Variants in PARD3 observed in about 807,000 individuals in gnomAD.
PARD3 encodes the protein partitioning defective 3 homolog.
Under a neutral mutation model 155.4 loss-of-function variants are expected in PARD3, and 75 were observed. The observed-to-expected ratio is 0.48, with a 90% CI of 0.40 to 0.58. PARD3 has a LOEUF of 0.58. Ranked by LOEUF, PARD3 falls within the 20% of genes least tolerant of loss-of-function variation. The probability of loss-of-function intolerance (pLI) is 0.00; values close to 1 mark genes in which losing one functional copy is unlikely to be tolerated. For missense variants in PARD3, 1,642 were observed against 1,721.7 expected, an observed-to-expected ratio of 0.95 and a Z score of 0.82; for synonymous variants, 576 against 610.5, an observed-to-expected ratio of 0.94 and a Z score of 0.83.
chr10:34,355,958 C>CAAAAAAAAAAAAAAAAAAAAA (rs1491326864), intron 14 of PARD3, among the ~76,000 whole-genome samples: 1 of 116,198 alleles, frequency 8.6e-6, no homozygotes, highest in Non-Finnish European at 1.6e-5. Context: ...AAAACAAAAC[C>CAAAAAAAAAAAAAAAAAAAAA]AAACAAAAAA....
intron 4 of PARD3, among the ~76,000 whole-genome samples, chr10:34,469,360 T>G (rs2078207173): frequency 6.6e-6 from 1 of 152,192 alleles, no homozygotes; most frequent in African/African-American, 2.4e-5. Flanking sequence ...CCACCTGCCT[T>G]GGACTCCCAA....
At chr10:34,590,530 G>A (rs971583464) in intron 2 of PARD3, among the ~76,000 whole-genome samples, 1 of 152,136 alleles carries the variant, frequency 6.6e-6, no homozygotes, top group Non-Finnish European at 1.5e-5. Context: ...TTAAAACTGG[G>A]AGTGGGCAGA....
intron 2 of PARD3, among the ~76,000 whole-genome samples, chr10:34,612,052 C>A (rs1052878269): frequency 1.3e-5 from 2 of 151,310 alleles, no homozygotes; most frequent in Non-Finnish European, 2.9e-5. Flanking sequence ...GGTCTCGATC[C>A]CCTCACCTCG....
intron 3 of PARD3, among the ~76,000 whole-genome samples, chr10:34,513,555 A>G (rs1296102019): frequency 6.6e-6 from 1 of 152,212 alleles, no homozygotes; most frequent in Non-Finnish European, 1.5e-5. Context: ...TGCTGGGATT[A>G]CAGGTGTGAG....
intron 14 of PARD3, among the ~76,000 whole-genome samples, chr10:34,354,266 T>C (rs1003039065): frequency 4.6e-5 from 7 of 151,762 alleles, no homozygotes; most frequent in Non-Finnish European, 1.0e-4. Flanking sequence ...TAGTCCCAGC[T>C]ACTTGGGAGG....
chr10:34,433,955 C>A (rs1310055759), intron 5 of PARD3, among the ~76,000 whole-genome samples: 1 of 152,122 alleles, frequency 6.6e-6, no homozygotes, highest in Non-Finnish European at 1.5e-5. Context: ...ATGGGTCCTG[C>A]CCTCTTTAAA....
At chr10:34,549,463 C>T (rs922565516) in intron 2 of PARD3, among the ~76,000 whole-genome samples, 8 of 152,162 alleles carry the variant, frequency 5.3e-5, no homozygotes, top group Non-Finnish European at 1.0e-4. Flanking sequence ...TTCACCAACA[C>T]AAGGTAAGAA....
chr10:34,153,751 G>A (rs1948878480), intron 22 of PARD3, among the ~76,000 whole-genome samples: 1 of 152,144 alleles, frequency 6.6e-6, no homozygotes, highest in Non-Finnish European at 1.5e-5. Context: ...AAACACCAAA[G>A]TGAACCTCTT....
At chr10:34,117,882 GC>G (rs1375434585) in intron 24 of PARD3, among the ~76,000 whole-genome samples, 1 of 152,182 alleles carries the variant, frequency 6.6e-6, no homozygotes, top group East Asian at 1.9e-4. Context: ...CTGCACTCCA[GC>G]CGGGGCAACA....
chr10:34,173,144 T>G (rs1274703374), intron 22 of PARD3, among the ~76,000 whole-genome samples: 2 of 152,202 alleles, frequency 1.3e-5, no homozygotes, highest in East Asian at 3.8e-4. Flanking sequence ...TTTTCACAAC[T>G]ACATCTGAAT....
chr10:34,730,894 C>A (rs2094805022), intron 1 of PARD3, among the ~76,000 whole-genome samples: 1 of 152,190 alleles, frequency 6.6e-6, no homozygotes, highest in East Asian at 1.9e-4. Flanking sequence ...CGCATACACA[C>A]AAGGAAAGAA....
chr10:34,691,286 C>T lies in PARD3; in HGVS notation c.222+5032G>A, dbSNP rs544261990. Among the ~76,000 whole-genome samples the T allele has an allele frequency of 2.6e-5, 4 of 152,252 alleles. No homozygotes were observed. In the South Asian group the frequency reaches 8.3e-4, roughly 32 times the overall value. On this transcript the variant is annotated intron_variant, in intron 2 of 24. Coordinates refer to ENST00000374788, the MANE Select transcript of PARD3 (RefSeq NM_001184785.2). The stretch of plus-strand genomic sequence containing the variant: ...CAATGTATAAAAATCAGTAGCATTC[C>T]TACACACCAACAACATCCAAACTAA...
chr10:34,622,060 C>G (rs1426543856), intron 2 of PARD3, among the ~76,000 whole-genome samples: 1 of 152,116 alleles, frequency 6.6e-6, no homozygotes, highest in South Asian at 2.1e-4. Flanking sequence ...ATTCCTATAC[C>G]TGCCATCGAT....
intron 1 of PARD3, among the ~76,000 whole-genome samples, chr10:34,777,687 C>G (rs1246199745): frequency 6.6e-6 from 1 of 151,066 alleles, no homozygotes; most frequent in African/African-American, 2.5e-5. Flanking sequence ...TGCACTACAA[C>G]AGTCAGCTAA....
At chr10:34,590,044 GA>G (rs1369228394) in intron 2 of PARD3, among the ~76,000 whole-genome samples, 3 of 152,108 alleles carry the variant, frequency 2.0e-5, no homozygotes, top group Non-Finnish European at 4.4e-5. Flanking sequence ...TTATTTCCAT[GA>G]AATGCCAATT....
intron 1 of PARD3, among the ~76,000 whole-genome samples, chr10:34,767,479 G>T (rs1010031349): frequency 6.6e-6 from 1 of 152,062 alleles, no homozygotes; most frequent in African/African-American, 2.4e-5. Context: ...GCAGCCTGAC[G>T]GACTCCGTGA....
intron 12 of PARD3, among the ~76,000 whole-genome samples, chr10:34,369,312 A>ATTTG (rs112701771): frequency 9.7e-5 from 5 of 51,482 alleles, no homozygotes; most frequent in East Asian, 7.4e-4. Flanking sequence ...TTATTTATTT[A>ATTTG]TTTGTTTATT....
intron 2 of PARD3, among the ~76,000 whole-genome samples, chr10:34,634,444 A>C (rs190188980): frequency 1.4e-4 from 21 of 152,314 alleles, no homozygotes; most frequent in Admixed American, 6.5e-4. Context: ...TGTGGTATTC[A>C]GGACATTTTT....
chr10:34,619,249 C>T (rs1001368928), intron 2 of PARD3, among the ~76,000 whole-genome samples: 1 of 151,966 alleles, frequency 6.6e-6, no homozygotes, highest in Non-Finnish European at 1.5e-5. Flanking sequence ...CGGGGTTTCA[C>T]GTGTTGGCCA....
Sources: allele counts gnomAD v4.1 joint callset (sites outside exome capture counted in the v4.1 genomes callset), GRCh38; gene constraint gnomAD v4.1.1; transcripts MANE v1.5; gene names NCBI Gene and HGNC (gene_info 2026-07-23, HGNC 2026-07-21).